The following USP34 variants were observed in gnomAD, a reference collection of about 807,000 sequenced individuals.
The protein encoded by USP34 is ubiquitin carboxyl-terminal hydrolase 34.
In USP34, 70 loss-of-function variants were observed where a neutral mutation model predicts 460.3. The ratio of observed to expected loss-of-function variants is 0.15; its 90% CI spans 0.13 to 0.19. The LOEUF is 0.19. Among genes scored for constraint, USP34 ranks in the 10% least tolerant of loss-of-function variants. The pLI is 1.00. For missense variants in USP34, 3,985 were observed against 4,236.2 expected, an observed-to-expected ratio of 0.94 and a Z score of 1.65; for synonymous variants, 1,647 against 1,405.3, an observed-to-expected ratio of 1.17 and a Z score of -3.85.
intron 50 of USP34, 86 bp downstream of exon 50, chr2:61,246,238 G>T: frequency 4.3e-6 from 5 of 1,175,888 alleles, no homozygotes; most frequent in Non-Finnish European, 5.5e-6. Flanking sequence ...AACTTTTGTG[G>T]CAAGTTTTTA....
chr2:61,256,730 A>T, intron 47 of USP34, 143 bp downstream of exon 47: 2 of 666,444 alleles, frequency 3.0e-6, no homozygotes, highest in South Asian at 2.9e-5. Context: ...GTTGATGTTT[A>T]ACTCTTATTT....
At chr2:61,227,687 G>T (rs561827120) in intron 61 of USP34, among the ~76,000 whole-genome samples, 1 of 151,792 alleles carries the variant, frequency 6.6e-6, no homozygotes, top group East Asian at 1.9e-4. Context: ...CTCCAGCCTG[G>T]GAGACAGAGT....
chr2:61,299,861 T>C (rs1690166083), intron 29 of USP34, among the ~76,000 whole-genome samples: 1 of 152,236 alleles, frequency 6.6e-6, no homozygotes, highest in South Asian at 2.1e-4. Flanking sequence ...TATATCCAAG[T>C]GATTACCTGA....
chr2:61,259,985 A>G (rs899690480), intron 43 of USP34, among the ~76,000 whole-genome samples: 5 of 152,252 alleles, frequency 3.3e-5, no homozygotes, highest in African/African-American at 1.2e-4. Flanking sequence ...TTACTATCTT[A>G]TAAGGAAACC....
chr2:61,435,307 C>CAAAA lies in USP34; in HGVS notation c.44-14478_44-14475dup, dbSNP rs59158283. On this transcript the variant is annotated intron_variant, in intron 1 of 79. Coordinates refer to ENST00000398571, the MANE Select transcript of USP34 (RefSeq NM_014709.4). The stretch of plus-strand genomic sequence containing the variant: ...TGGGCAACAGAGTGAGACCTTGTTT[C>CAAAA]AAAAAAAAAAAAAAAAAAAAAAGAA... Among the ~76,000 whole-genome samples, 65 of 40,946 alleles carry CAAAA rather than the reference C, an allele frequency of 1.6e-3. 5 individuals carry two copies. The highest frequency in any genetic ancestry group is 5.3e-3 in the East Asian group (7 of 1,332). 26.9% of individuals were successfully genotyped at this position (40,946 alleles called of 152,430 possible).
In USP34 at chr2:61,402,241, C is replaced by T. The variant is rs771719794; in HGVS notation, c.552+3467G>A. 2.0e-5 allele frequency among the ~76,000 whole-genome samples: 3 copies of T among 152,220 alleles called. No homozygotes were observed. In the East Asian group the frequency reaches 5.8e-4, roughly 29 times the overall value. On this transcript the variant is annotated intron_variant, in intron 3 of 79. Transcript: ENST00000398571. ...GTTATGGTGACCAATGATCACACCA[C>T]CGCACTCCAGCCTGGGAGACAGAGC...
At chr2:61,408,759 G>A (rs1267990673) in intron 2 of USP34, among the ~76,000 whole-genome samples, 6 of 152,054 alleles carry the variant, frequency 3.9e-5, no homozygotes, top group Middle Eastern at 3.2e-3. Context: ...GACGGGCTTG[G>A]TGGTCTACCT....
At chr2:61,326,333 G>C (rs1691088885) in intron 20 of USP34, among the ~76,000 whole-genome samples, 1 of 152,096 alleles carries the variant, frequency 6.6e-6, no homozygotes, top group Non-Finnish European at 1.5e-5. Flanking sequence ...TTAGCCTCCG[G>C]AGTAGCTGGG....
chr2:61,283,432 G>C lies in USP34; in HGVS notation c.4850C>G (p.Ser1617Cys). 6.2e-7 allele frequency: 1 copy of C among 1,606,440 alleles called. No homozygotes were observed. Residue 1617 changes from serine to cysteine, a missense_variant, in exon 36 of 80, where the codon TCT becomes TGT. Ser to Cys is a moderately radical substitution (Grantham distance 112). This residue lies in a region of USP34 where 1,114 missense variants were observed against 1,122.5 expected (regional missense o/e 0.99). Transcript: ENST00000398571. Reference sequence around the variant, plus strand: ...ACCTTCATGTCTAGACCTGTGATCAGACTGAGCTTTTAAAACTCTGTAAAG... The same window carrying C: ...ACCTTCATGTCTAGACCTGTGATCACACTGAGCTTTTAAAACTCTGTAAAG... The part of the protein sequence containing the change: ...NLAPRVLKAQ[S>C]DHRSRHEVSH...
chr2:61,210,005 ATGTGTGTTTTAAGTGTTATGATAG>A (rs1687229248), intron 69 of USP34, among the ~76,000 whole-genome samples: 1 of 152,218 alleles, frequency 6.6e-6, no homozygotes, highest in Admixed American at 6.5e-5. Flanking sequence ...CAGCTATAAA[ATGTGTGTTTTAAGTGTTATGATAG>A]TGTGTTTTAA....
At chr2:61,215,050 C>T (rs1687359466) in intron 67 of USP34, among the ~76,000 whole-genome samples, 1 of 152,186 alleles carries the variant, frequency 6.6e-6, no homozygotes, top group South Asian at 2.1e-4. Context: ...AGAAGACCTA[C>T]CAAAAGGTAC....
At chr2:61,428,745 G>C (rs1694581351) in intron 1 of USP34, among the ~76,000 whole-genome samples, 1 of 152,288 alleles carries the variant, frequency 6.6e-6, no homozygotes, top group South Asian at 2.1e-4. Context: ...GGGGAACCTA[G>C]AAATTACAAC....
intron 70 of USP34, chr2:61,207,736 A>G (rs921107154): frequency 6.6e-6 from 1 of 152,248 alleles, no homozygotes; most frequent in African/African-American, 2.4e-5. Flanking sequence ...CATTTTAAAG[A>G]ATGAAATTCT....
chr2:61,348,424 A>G lies in USP34; in HGVS notation c.1731T>C (p.Ser577=). Residue 577 remains serine, a synonymous_variant, in exon 15 of 80, where the codon AGT becomes AGC. Coordinates refer to ENST00000398571, the MANE Select transcript of USP34 (RefSeq NM_014709.4). ...TATGCCCACTACTGCTACCAGGACC[A>G]CTGCTTCCATCTTCACCACTGTTGG... The part of the protein sequence containing the change: ...ETANSGEDGS[S]GPGSSSGHSD... 1 of 1,613,758 alleles carries G rather than the reference A, an allele frequency of 6.2e-7. No homozygotes were observed. Among genetic ancestry groups the G allele is most frequent in the East Asian group, 2.2e-5 (1 of 44,884 alleles).
intron 20 of USP34, among the ~76,000 whole-genome samples, chr2:61,330,695 A>C (rs1275826394): frequency 1.3e-5 from 2 of 152,146 alleles, no homozygotes. Context: ...TCTCCTATGC[A>C]TCTCCTTAAA....
At chr2:61,288,103 T>A (rs1558511075) in intron 34 of USP34, among the ~76,000 whole-genome samples, 1 of 152,188 alleles carries the variant, frequency 6.6e-6, no homozygotes, top group Non-Finnish European at 1.5e-5. Context: ...TTTTAGGCAC[T>A]CCTAGCACCA....
chr2:61,334,481 A>G (rs555398986), intron 18 of USP34, among the ~76,000 whole-genome samples: 33 of 152,166 alleles, frequency 2.2e-4, no homozygotes, highest in Non-Finnish European at 4.3e-4. Context: ...TGACATAGAA[A>G]TCCTGGAAGT....
intron 2 of USP34, among the ~76,000 whole-genome samples, chr2:61,415,774 CTCT>C (rs1694176700): frequency 6.6e-6 from 1 of 152,172 alleles, no homozygotes; most frequent in Non-Finnish European, 1.5e-5. Context: ...ATCTGAGCTT[CTCT>C]TATTTTCTTC....
At chr2:61,384,602 G>T (rs912260557) in intron 5 of USP34, among the ~76,000 whole-genome samples, 3 of 152,092 alleles carry the variant, frequency 2.0e-5, no homozygotes, top group Admixed American at 6.6e-5. Context: ...GAACCCAGGA[G>T]GTGGAAGTCT....
Sources: allele counts gnomAD v4.1 joint callset (sites outside exome capture counted in the v4.1 genomes callset), GRCh38; gene constraint gnomAD v4.1.1; regional missense constraint gnomAD v4.1.1; transcripts MANE v1.5; gene names NCBI Gene and HGNC (gene_info 2026-07-23, HGNC 2026-07-21).